PIGL: variants seen among roughly 807,000 people sequenced by gnomAD.
The protein encoded by PIGL is N-acetylglucosaminyl-phosphatidylinositol de-N-acetylase.
In PIGL, 22 loss-of-function variants were observed where a neutral mutation model predicts 31.1. The observed-to-expected ratio is 0.71, with a 90% CI of 0.51 to 1.01. The LOEUF (loss-of-function observed/expected upper bound fraction) is 1.01. Ranked by LOEUF, PIGL falls within the 50% of genes least tolerant of loss-of-function variation. The pLI is 0.00. For synonymous variants in PIGL, 131 were observed against 117.4 expected (o/e 1.12, Z -0.75); for missense variants, 302 against 315.9 (o/e 0.96, Z 0.33).
At chr17:16,321,365 C>T (rs574930890) in intron 6 of PIGL, among the ~76,000 whole-genome samples, 82 of 151,882 alleles carry the variant, frequency 5.4e-4, no homozygotes, top group African/African-American at 1.9e-3. Flanking sequence ...ATCACACTCC[C>T]GAGTAGCTGG....
At chr17:16,221,817 C>T (rs2092630744) in intron 1 of PIGL, among the ~76,000 whole-genome samples, 1 of 152,162 alleles carries the variant, frequency 6.6e-6, no homozygotes, top group Non-Finnish European at 1.5e-5. Context: ...GACAGGGTTT[C>T]ACCATGTTGG....
At chr17:16,316,893 T>C in intron 5 of PIGL, 181 bp downstream of exon 5, 1 of 1,379,646 alleles carries the variant, frequency 7.2e-7, no homozygotes, top group Non-Finnish European at 9.5e-7. Context: ...TACCAGCAAG[T>C]GCCTGCCTGC....
intron 2 of PIGL, among the ~76,000 whole-genome samples, chr17:16,298,276 C>A (rs1433258685): frequency 6.6e-6 from 1 of 152,174 alleles, no homozygotes; most frequent in Non-Finnish European, 1.5e-5. Context: ...AGTTAATGAC[C>A]TTTGTCCATA....
intron 2 of PIGL, among the ~76,000 whole-genome samples, chr17:16,292,762 A>G (rs1402486409): frequency 6.6e-6 from 1 of 152,188 alleles, no homozygotes; most frequent in East Asian, 1.9e-4. Context: ...GGACCGTGTG[A>G]TGGCTCACTC....
chr17:16,301,506 G>A (rs1487713166), intron 3 of PIGL, among the ~76,000 whole-genome samples: 1 of 151,148 alleles, frequency 6.6e-6, no homozygotes, highest in Non-Finnish European at 1.5e-5. Context: ...CTCGTGATCT[G>A]CCTGCCTCGG....
intron 2 of PIGL, among the ~76,000 whole-genome samples, chr17:16,266,832 C>T (rs535328712): frequency 2.3e-4 from 35 of 150,556 alleles, no homozygotes; most frequent in African/African-American, 6.6e-4. Context: ...CTCCTGACCT[C>T]GTGATTTGCC....
Position 16,299,882 on chromosome 17 carries a change from T to C in PIGL, c.336-6T>C, listed in dbSNP as rs1376184608. 2 of 1,609,476 alleles carry C rather than the reference T, an allele frequency of 1.2e-6. No homozygotes were observed. Among genetic ancestry groups the C allele is most frequent in the African/African-American group, 2.7e-5 (2 of 74,826 alleles). On this transcript the variant is annotated splice_polypyrimidine_tract_variant and splice_region_variant and intron_variant, in intron 2 of 6. Coordinates refer to ENST00000225609, the MANE Select transcript of PIGL (RefSeq NM_004278.4). ...AAGGTGTTCAAGTTGTGCTTCTCTC[T>C]TGTAGGGATTTCCCAGATGACCCAG... is the stretch of plus-strand genomic sequence containing the variant.
At chr17:16,271,994 G>A (rs1026327254) in intron 2 of PIGL, among the ~76,000 whole-genome samples, 1 of 152,116 alleles carries the variant, frequency 6.6e-6, no homozygotes, top group Non-Finnish European at 1.5e-5. Flanking sequence ...GCAAAGCACT[G>A]TGATTATAAG....
chr17:16,231,300 T>G (rs2092678390), intron 1 of PIGL, among the ~76,000 whole-genome samples: 1 of 150,072 alleles, frequency 6.7e-6, no homozygotes, highest in African/African-American at 2.5e-5. Flanking sequence ...AGTGGTGTGG[T>G]CATGGTTCAC....
At chr17:16,238,873 C>A (rs2092710662) in intron 2 of PIGL, among the ~76,000 whole-genome samples, 1 of 144,440 alleles carries the variant, frequency 6.9e-6, no homozygotes, top group African/African-American at 2.6e-5. Context: ...CACGCCGCTG[C>A]ACTCCAGCCT....
At chr17:16,238,653 G>A (rs2092709675) in intron 2 of PIGL, among the ~76,000 whole-genome samples, 1 of 150,972 alleles carries the variant, frequency 6.6e-6, no homozygotes, top group African/African-American at 2.4e-5. Context: ...ACTCACACCT[G>A]TAATCCCAGC....
At chr17:16,221,546 T>G (rs986427220) in intron 1 of PIGL, among the ~76,000 whole-genome samples, 1 of 151,934 alleles carries the variant, frequency 6.6e-6, no homozygotes, top group African/African-American at 2.4e-5. Context: ...GCCTCCTGGA[T>G]TCAAGCAATT....
chr17:16,266,388 CAAAAAAAAAA>C (rs60708474), intron 2 of PIGL, among the ~76,000 whole-genome samples: 10 of 72,024 alleles, frequency 1.4e-4, no homozygotes, highest in South Asian at 6.4e-4. Context: ...GACTCCATCT[CAAAAAAAAAA>C]AAAAAAAAAA....
intron 2 of PIGL, among the ~76,000 whole-genome samples, chr17:16,269,577 G>A (rs1242721254): frequency 6.6e-6 from 1 of 151,572 alleles, no homozygotes; most frequent in Admixed American, 6.6e-5. Context: ...CTTAAATCCA[G>A]GAGGCTAGGG....
intron 3 of PIGL, chr17:16,312,634 G>A (rs1457995426): frequency 9.1e-5 from 16 of 175,906 alleles, no homozygotes; most frequent in South Asian, 7.0e-4. Flanking sequence ...GGGCAACATT[G>A]AGCACTGAGT....
chr17:16,288,276 G>A (rs542616703), intron 2 of PIGL, among the ~76,000 whole-genome samples: 12 of 152,080 alleles, frequency 7.9e-5, no homozygotes, highest in East Asian at 3.9e-4. Context: ...GCTCAGTCTC[G>A]GCTCACTGCA....
intron 2 of PIGL, chr17:16,283,925 A>T (rs1373902267): frequency 6.6e-6 from 1 of 151,672 alleles, no homozygotes; most frequent in Non-Finnish European, 1.5e-5. Context: ...CATCTGCCTC[A>T]TCATGAACTT....
At chr17:16,324,815 T>C (rs2093120341) in intron 6 of PIGL, among the ~76,000 whole-genome samples, 1 of 152,232 alleles carries the variant, frequency 6.6e-6, no homozygotes, top group Admixed American at 6.5e-5. Context: ...TAATCTATTC[T>C]GTTTAAAAAC....
chr17:16,300,634 T>C (rs929214311), intron 3 of PIGL, among the ~76,000 whole-genome samples: 1 of 151,460 alleles, frequency 6.6e-6, no homozygotes, highest in African/African-American at 2.4e-5. Flanking sequence ...GCGCAAAGAT[T>C]GTGTTACTGC....
Sources: gnomAD v4.1 joint callset for allele counts (sites outside exome capture counted in the v4.1 genomes callset) on GRCh38, gnomAD v4.1.1 for gene constraint, MANE v1.5 for transcripts, NCBI Gene and HGNC (gene_info 2026-07-23, HGNC 2026-07-21) for gene names.